Variants in SPSB4 observed in about 807,000 individuals in gnomAD.
SPSB4 encodes the protein SPRY domain-containing SOCS box protein 4.
SPSB4 carries 21 observed loss-of-function variants against 20.9 expected under a neutral mutation model. That is an observed-to-expected ratio of 1.01 (90% confidence interval 0.71 to 1.45). The LOEUF is 1.45. Ranked by LOEUF, SPSB4 falls within the 40% of genes most tolerant of loss-of-function variation. SPSB4 has a pLI of 0.00. For synonymous variants in SPSB4, 207 were observed against 183.8 expected (o/e 1.13, Z -1.02); for missense variants, 399 against 399.2 (o/e 1.00, Z 0.00).
rs890529 is a variant in SPSB4, at chr3:141,066,333, C to T, written c.229C>T (p.Arg77Trp). 6.4e-7 allele frequency: 1 copy of T among 1,565,744 alleles called. No individual in the cohort carries two copies. The highest frequency in any genetic ancestry group is 1.7e-4 in the Middle Eastern group (1 of 5,998). ...VKDDDRLTFHRHPVAQSTDGI... is the reference protein window; with the variant it reads ...VKDDDRLTFHWHPVAQSTDGI... The stretch of plus-strand genomic sequence containing the variant: ...GGACGACGACCGGCTCACCTTCCAC[C>T]GGCACCCCGTGGCCCAGAGCACCGA... The change falls in exon 2 of 3, where the codon CGG (arginine) becomes TGG (tryptophan). Residue 77 changes from arginine to tryptophan, a missense_variant. By Grantham distance (101) the Arg-to-Trp change is moderately radical. Transcript: ENST00000310546.
At chr3:141,136,923 C>A (rs2107806619) in intron 2 of SPSB4, among the ~76,000 whole-genome samples, 1 of 152,244 alleles carries the variant, frequency 6.6e-6, no homozygotes, top group South Asian at 2.1e-4. Flanking sequence ...CTATAAATAA[C>A]CTTGGGCAGT....
intron 2 of SPSB4, among the ~76,000 whole-genome samples, chr3:141,101,275 G>A (rs891510609): frequency 3.1e-4 from 47 of 152,170 alleles, no homozygotes; most frequent in African/African-American, 1.1e-3. Flanking sequence ...GTGATCTGAG[G>A]GCCCACGCTT....
intron 2 of SPSB4, among the ~76,000 whole-genome samples, chr3:141,141,729 T>C (rs1242598190): frequency 6.6e-6 from 1 of 152,256 alleles, no homozygotes; most frequent in Non-Finnish European, 1.5e-5. Context: ...CACTATTTGT[T>C]ACTGGTCTGT....
At chr3:141,142,175 T>A (rs1939341148) in intron 2 of SPSB4, among the ~76,000 whole-genome samples, 1 of 152,258 alleles carries the variant, frequency 6.6e-6, no homozygotes, top group Admixed American at 6.5e-5. Context: ...ATGTAAGCAT[T>A]TAATGCTATG....
intron 2 of SPSB4, among the ~76,000 whole-genome samples, chr3:141,069,476 C>T (rs1937952692): frequency 6.6e-6 from 1 of 152,152 alleles, no homozygotes; most frequent in South Asian, 2.1e-4. Context: ...CGGTTGTGGA[C>T]ATGGTGGCAG....
chr3:141,111,811 G>A (rs1938801764), intron 2 of SPSB4, among the ~76,000 whole-genome samples: 1 of 152,136 alleles, frequency 6.6e-6, no homozygotes, highest in South Asian at 2.1e-4. Context: ...TAAATGTGAT[G>A]TGCCCCTTCC....
rs531319843 is a variant in SPSB4 at position 141,093,544 on chromosome 3, G to A, written c.694+26746G>A. Among the ~76,000 whole-genome samples the A allele has an allele frequency of 7.2e-5, 11 of 152,136 alleles. No individual in the cohort carries two copies. The South Asian group carries it at 2.3e-3, about 32-fold the overall frequency. ...TTTGAGCTTAGGTGACATAGAGGAG[G>A]CCCAGAGAGGTTAAGCTGGGCTTGA... On this transcript the variant is annotated intron_variant, in intron 2 of 2. Transcript: ENST00000310546.
At chr3:141,146,085 T>G (rs2107809971) in intron 2 of SPSB4, among the ~76,000 whole-genome samples, 4 of 143,132 alleles carry the variant, frequency 2.8e-5, no homozygotes, top group East Asian at 4.6e-4. Flanking sequence ...ACCACCCCCC[T>G]ACCTGCCCCC....
chr3:141,065,087 C>T (rs551703322), intron 1 of SPSB4, among the ~76,000 whole-genome samples: 126 of 152,254 alleles, frequency 8.3e-4, no homozygotes, highest in Non-Finnish European at 1.3e-3. Context: ...GTTTTATCCT[C>T]ATGTTTTTTA....
intron 2 of SPSB4, among the ~76,000 whole-genome samples, chr3:141,134,144 T>C (rs2107805554): frequency 1.3e-5 from 2 of 149,172 alleles, no homozygotes; most frequent in East Asian, 4.0e-4. Flanking sequence ...GCAGTGCTAC[T>C]GATTTGTGTA....
intron 2 of SPSB4, chr3:141,077,320 C>T (rs1284932903): frequency 1.3e-5 from 2 of 152,198 alleles, no homozygotes; most frequent in East Asian, 3.9e-4. Flanking sequence ...TAAATAGAGC[C>T]GTGAGTTCTG....
At chr3:141,073,849 C>T (rs115989392) in intron 2 of SPSB4, among the ~76,000 whole-genome samples, 2 of 152,146 alleles carry the variant, frequency 1.3e-5, no homozygotes, top group Non-Finnish European at 2.9e-5. Context: ...TGCACACAGG[C>T]CAAGCAGAGG....
At chr3:141,135,427 T>C (rs1438991310) in intron 2 of SPSB4, among the ~76,000 whole-genome samples, 1 of 152,038 alleles carries the variant, frequency 6.6e-6, no homozygotes, top group Non-Finnish European at 1.5e-5. Flanking sequence ...ACATGTGCCA[T>C]GTTGGTGTGC....
rs1258170416 is a variant in SPSB4, at chr3:141,066,731, G to A, written c.627G>A (p.Leu209=). 6.2e-7 allele frequency: 1 copy of A among 1,605,998 alleles called. No individual in the cohort carries two copies. The highest frequency in any genetic ancestry group is 1.7e-5 in the Admixed American group (1 of 58,922). The change falls in exon 2 of 3, where the codon CTG becomes CTA. Residue 209 remains leucine (L), a synonymous_variant. Transcript: ENST00000310546. ...VAFRGLKGKK[L]YPVVSAVWGH... is the part of the protein sequence containing the mutation. ...TCCGAGGTCTCAAGGGCAAGAAGCT[G>A]TACCCGGTGGTGAGTGCCGTGTGGG... is the stretch of plus-strand genomic sequence containing the variant.
intron 2 of SPSB4, among the ~76,000 whole-genome samples, chr3:141,081,027 G>C (rs1435410175): frequency 6.6e-6 from 1 of 152,164 alleles, no homozygotes; most frequent in African/African-American, 2.4e-5. Flanking sequence ...GGAGGGGATT[G>C]GATAAGATGA....
rs1454495136 is a variant in SPSB4, at chr3:141,051,906, C to A, written c.-240C>A. 1 of 152,324 alleles carries A rather than the reference C, an allele frequency of 6.6e-6. No individual in the cohort carries two copies. Among genetic ancestry groups the A allele is most frequent in the Non-Finnish European group, 1.5e-5 (1 of 68,136 alleles). The allele number at this position is 152,324 out of a possible 1,614,324, so 9.4% of individuals were successfully genotyped here. A position where few individuals can be genotyped will look rare whatever the true frequency, so the allele number is the denominator to read the frequency against. On this transcript the variant is annotated 5_prime_UTR_variant, in exon 1 of 3. Coordinates refer to ENST00000310546, the MANE Select transcript of SPSB4 (RefSeq NM_080862.3). ...CACTCGGGCGCCCCTGAGTGGGCGGCGGCGGCAGCAGACCCCTCTCCAGGG... is the reference window on the plus strand; with the variant it reads ...CACTCGGGCGCCCCTGAGTGGGCGGAGGCGGCAGCAGACCCCTCTCCAGGG...
intron 2 of SPSB4, among the ~76,000 whole-genome samples, chr3:141,104,901 C>G (rs916403495): frequency 2.0e-5 from 3 of 152,098 alleles, no homozygotes; most frequent in Non-Finnish European, 4.4e-5. Context: ...AATTCTGTGC[C>G]CCTGGGAAGG....
intron 2 of SPSB4, among the ~76,000 whole-genome samples, chr3:141,121,000 C>G (rs202009943): frequency 6.7e-6 from 1 of 150,276 alleles, no homozygotes; most frequent in East Asian, 2.0e-4. Context: ...CATTTTCTTC[C>G]TAGCTTCGAT....
chr3:141,136,259 G>A (rs1426260429), intron 2 of SPSB4, among the ~76,000 whole-genome samples: 1,919 of 152,020 alleles, frequency 0.013, 39 homozygotes, highest in African/African-American at 0.045. Context: ...AGATGAGTAG[G>A]TTCCAAAAAT....
Sources: gnomAD v4.1 joint callset for allele counts (sites outside exome capture counted in the v4.1 genomes callset) on GRCh38, gnomAD v4.1.1 for gene constraint, MANE v1.5 for transcripts, NCBI Gene and HGNC (gene_info 2026-07-23, HGNC 2026-07-21) for gene names.